Variants in SENP3 observed in about 807,000 individuals in gnomAD.
SENP3 encodes the protein SUMO specific peptidase 3, also known as sentrin-specific protease 3.
Under a neutral mutation model 66.2 loss-of-function variants are expected in SENP3, and 11 were observed. The observed-to-expected ratio is 0.17, with a 90% CI of 0.10 to 0.28. The LOEUF (loss-of-function observed/expected upper bound fraction) is 0.28. Among genes scored for constraint, SENP3 ranks in the 10% least tolerant of loss-of-function variants. The probability of loss-of-function intolerance (pLI) is 1.00; values close to 1 mark genes in which losing one functional copy is unlikely to be tolerated. For missense variants in SENP3, 548 were observed against 743.7 expected (o/e 0.74, Z 3.06); for synonymous variants, 292 against 277.6 (o/e 1.05, Z -0.52).
Position 7,566,064 on chromosome 17 carries a change from G to A in SENP3, c.1263+300G>A, listed in dbSNP as rs977255443. On this transcript the variant is annotated intron_variant, in intron 6 of 10. Transcript: ENST00000321337. ...AAAAAAGAAAAAGAAAAAGGCCACCGGGCATGGTAGCTCATGCCTGTAATC... is the reference window on the plus strand; with the variant it reads ...AAAAAAGAAAAAGAAAAAGGCCACCAGGCATGGTAGCTCATGCCTGTAATC... 1.5e-5 allele frequency: 4 copies of A among 268,456 alleles called. No homozygotes were observed. The East Asian group carries it at 2.9e-4, about 20-fold the overall frequency. The allele number at this position is 268,456 out of a possible 1,614,324, so 16.6% of individuals were successfully genotyped here. A position where few individuals can be genotyped will look rare whatever the true frequency, so the allele number is the denominator to read the frequency against.
intron 6 of SENP3, 120 bp from the exon 7 acceptor site, chr17:7,566,807 C>T (rs1412466044): frequency 1.6e-6 from 1 of 640,044 alleles, no homozygotes. Context: ...CTGTCTCTAC[C>T]AAAAAAAAAA....
chr17:7,566,045 G>C, intron 6 of SENP3: 2 of 283,768 alleles, frequency 7.0e-6, no homozygotes, highest in Non-Finnish European at 6.3e-6. Context: ...AAAAAAAAAA[G>C]AAAAAGAAAA....
Position 7,563,569 on chromosome 17 carries a change from A to C in SENP3, c.493A>C (p.Lys165Gln). 1 of 1,554,050 alleles carries C rather than the reference A, an allele frequency of 6.4e-7. No homozygotes were observed. The change falls in exon 2 of 11, where the codon AAG (lysine) becomes CAG (glutamine). Residue 165 changes from lysine (K) to glutamine (Q), a missense_variant. By Grantham distance (53) the Lys-to-Gln change is moderately conservative. Transcript: ENST00000321337. ...RGRRRGLAHP[K>Q]NHLSPQQGGA... ...CCGGCGGCGGGGCCTCGCACACCCC[A>C]AGAACCATCTTTCACCCCAGCAAGG...
rs1333029758 is a variant in SENP3 at position 7,563,301 on chromosome 17, T to TGAAGAGGAG, written c.231_239dup (p.Glu83_Glu85dup). ...GACCCTCTTTTGATGCCTCAGCAAG[T>TGAAGAGGAG]GAAGAGGAGGAAGAAGAGGAGGAGG... is the stretch of plus-strand genomic sequence containing the variant. On this transcript the variant is annotated inframe_insertion, in exon 2 of 11. Transcript: ENST00000321337. The TGAAGAGGAG allele has an allele frequency of 6.4e-7, 1 of 1,552,324 alleles. No homozygotes were observed. Among genetic ancestry groups the TGAAGAGGAG allele is most frequent in the Non-Finnish European group, 8.7e-7 (1 of 1,147,558 alleles).
chr17:7,564,245 CCAAA>C, intron 2 of SENP3: 1 of 403,532 alleles, frequency 2.5e-6, no homozygotes. Context: ...AGAACTCCAG[CCAAA>C]CAGTTTCAGG....
chr17:7,569,981 A>G (rs2071299866), intron 7 of SENP3, among the ~76,000 whole-genome samples: 1 of 152,220 alleles, frequency 6.6e-6, no homozygotes, highest in Non-Finnish European at 1.5e-5. Flanking sequence ...AAACTGAGGT[A>G]TAGAAGGTTA....
At chr17:7,568,649 G>A (rs140764161) in intron 7 of SENP3, among the ~76,000 whole-genome samples, 80 of 152,220 alleles carry the variant, frequency 5.3e-4, no homozygotes, top group African/African-American at 1.7e-3. Context: ...CTGAAGGCAT[G>A]GAGGCTCCCA....
At chr17:7,564,597 T>G in intron 2 of SENP3, 28 bp from the exon 3 acceptor site, 1 of 1,613,018 alleles carries the variant, frequency 6.2e-7, no homozygotes, top group Non-Finnish European at 8.5e-7. Flanking sequence ...CAGTCTCTCA[T>G]GCCCATTCCA....
chr17:7,567,919 G>A lies in SENP3; in HGVS notation c.1341+915G>A, dbSNP rs544087725. Among the ~76,000 whole-genome samples, 466 of 152,214 alleles carry A rather than the reference G, an allele frequency of 3.1e-3. 3 individuals are homozygous for A. Among genetic ancestry groups the A allele is most frequent in the Middle Eastern group, 0.027 (8 of 294 alleles). ...GATTGAAAGGGGGGCAAGAATGGAAGCAGGAACAGAGCACAGTAGTCCAGG... is the reference window on the plus strand; with the variant it reads ...GATTGAAAGGGGGGCAAGAATGGAAACAGGAACAGAGCACAGTAGTCCAGG... On this transcript the variant is annotated intron_variant, in intron 7 of 10. Transcript: ENST00000321337.
At position 7,564,129 on chromosome 17, in the gene SENP3, C is replaced by T. The variant is rs149722604; in HGVS notation, c.715+338C>T. On this transcript the variant is annotated intron_variant, in intron 2 of 10. Transcript: ENST00000321337. The stretch of plus-strand genomic sequence containing the variant: ...GTCGGCCTCTCAGTATAAGAACCCC[C>T]GTGTATACATCTCCAGAGGGTACCA... Among the ~76,000 whole-genome samples the T allele has an allele frequency of 7.8e-3, 1,190 of 152,266 alleles. 25 individuals are homozygous for T. The highest frequency in any genetic ancestry group is 0.026 in the African/African-American group (1,073 of 41,544).
intron 2 of SENP3, 117 bp from the exon 3 acceptor site, chr17:7,564,508 C>T (rs1429649496): frequency 7.0e-7 from 1 of 1,422,886 alleles, no homozygotes; most frequent in East Asian, 2.5e-5. Context: ...TTGGTGGATT[C>T]TGCTTCAGTG....
In SENP3 at chr17:7,571,574, C is replaced by G; in HGVS notation, c.*91C>G. 2.5e-6 allele frequency: 2 copies of G among 791,710 alleles called. No individual in the cohort carries two copies. The highest frequency in any genetic ancestry group is 4.3e-6 in the Non-Finnish European group (2 of 470,158). The allele number at this position is 791,710 out of a possible 1,614,324, so 49.0% of individuals were successfully genotyped here. A position where few individuals can be genotyped will look rare whatever the true frequency, so the allele number is the denominator to read the frequency against. ...CTCCAGTTCCTTTCCTCTCTTGCCT[C>G]TTCCCACTCACTTCCCTTTGGTTTT... On this transcript the variant is annotated 3_prime_UTR_variant, in exon 11 of 11. Transcript: ENST00000321337.
At chr17:7,565,660 G>T in intron 5 of SENP3, 57 bp from the exon 6 acceptor site, 1 of 1,612,628 alleles carries the variant, frequency 6.2e-7, no homozygotes, top group Non-Finnish European at 8.5e-7. Flanking sequence ...CTGCATGGGG[G>T]AGCCCTGTAC....
intron 6 of SENP3, among the ~76,000 whole-genome samples, chr17:7,566,237 AG>A (rs1357083531): frequency 6.6e-6 from 1 of 151,316 alleles, no homozygotes; most frequent in African/African-American, 2.4e-5. Context: ...GTTACTCGGG[AG>A]GCTGAGGGAG....
rs766935775 is a variant in SENP3 at position 7,563,611 on chromosome 17, G to T, written c.535G>T (p.Val179Leu). ...SPQQGGATPQVPSPCCRFDSP... is the reference protein window; with the variant it reads ...SPQQGGATPQLPSPCCRFDSP... Reference sequence around the variant, plus strand: ...CCAGCAAGGGGGTGCGACGCCACAGGTGCCATCCCCCTGTTGTCGTTTTGA... The same window carrying T: ...CCAGCAAGGGGGTGCGACGCCACAGTTGCCATCCCCCTGTTGTCGTTTTGA... Residue 179 changes from valine to leucine, a missense_variant, in exon 2 of 11, where the codon GTG becomes TTG. By Grantham distance (32) the Val-to-Leu change is conservative. Coordinates refer to ENST00000321337, the MANE Select transcript of SENP3 (RefSeq NM_015670.6). The T allele has an allele frequency of 2.5e-6, 4 of 1,592,608 alleles. No homozygotes were observed. The South Asian group carries it at 3.4e-5, about 13-fold the overall frequency.
In SENP3 at chr17:7,563,406, G is replaced by GCCCCCC; in HGVS notation, c.334_335insCCCCCC (p.Pro111_Arg112insProPro). ...GGAGTCAGCTGGGAACCTCCCAGCGGCCCCGCCCTTCCCGCCCCACTCATC... is the reference window on the plus strand; with the variant it reads ...GGAGTCAGCTGGGAACCTCCCAGCGGCCCCCCCCCCGCCCTTCCCGCCCCACTCATC... On this transcript the variant is annotated inframe_insertion, in exon 2 of 11. Transcript: ENST00000321337. 6.5e-7 allele frequency: 1 copy of GCCCCCC among 1,547,596 alleles called. No homozygotes were observed. Among genetic ancestry groups the GCCCCCC allele is most frequent in the Non-Finnish European group, 8.7e-7 (1 of 1,144,092 alleles).
At chr17:7,569,390 A>AAAAAAAAG (rs1237147095) in intron 7 of SENP3, among the ~76,000 whole-genome samples, 2 of 151,998 alleles carry the variant, frequency 1.3e-5, no homozygotes, top group Non-Finnish European at 2.9e-5. Context: ...GTCTCAAAAA[A>AAAAAAAAG]AAAAAAAAGA....
chr17:7,563,406 G>GGGGCCCCCCCC lies in SENP3; in HGVS notation c.330_331insGGGCCCCCCCC (p.Pro111GlyfsTer24). On this transcript the variant is annotated frameshift_variant, in exon 2 of 11. Transcript: ENST00000321337. LOFTEE classifies it high-confidence loss of function. ...GGAGTCAGCTGGGAACCTCCCAGCG[G>GGGGCCCCCCCC]CCCCGCCCTTCCCGCCCCACTCATC... The GGGGCCCCCCCC allele has an allele frequency of 6.5e-7, 1 of 1,547,594 alleles. No homozygotes were observed. Among genetic ancestry groups the GGGGCCCCCCCC allele is most frequent in the Non-Finnish European group, 8.7e-7 (1 of 1,144,092 alleles).
Position 7,563,110 on chromosome 17 carries a change from G to C in SENP3, c.34G>C (p.Gly12Arg), listed in dbSNP as rs1238403993. 2.0e-6 allele frequency: 3 copies of C among 1,518,044 alleles called. No homozygotes were observed. In the African/African-American group the frequency reaches 4.2e-5, roughly 21 times the overall value. 94.0% of individuals were successfully genotyped at this position (1,518,044 alleles called of 1,614,324 possible). A position where few individuals can be genotyped will look rare whatever the true frequency, so the allele number is the denominator to read the frequency against. Reference sequence around the variant, plus strand: ...GACTATACAAGGGACCGGGTCCTGGGGGCCTGAGCCTCCTGGACCCGGCAT... The same window carrying C: ...GACTATACAAGGGACCGGGTCCTGGCGGCCTGAGCCTCCTGGACCCGGCAT... Reference protein sequence around the residue: ...KETIQGTGSWGPEPPGPGIPP... With the variant: ...KETIQGTGSWRPEPPGPGIPP... The change falls in exon 2 of 11, where the codon GGG (glycine) becomes CGG (arginine). Residue 12 changes from glycine (G) to arginine (R), a missense_variant. Around this residue, in one of 6 missense-constraint regions of SENP3, gnomAD observed 164 missense variants for 167.9 expected, o/e 0.98. Transcript: ENST00000321337.
Sources: gnomAD v4.1 joint callset for allele counts (sites outside exome capture counted in the v4.1 genomes callset) on GRCh38, gnomAD v4.1.1 for gene constraint, gnomAD v4.1.1 regional missense constraint, MANE v1.5 for transcripts, NCBI Gene and HGNC (gene_info 2026-07-23, HGNC 2026-07-21) for gene names.